F10: variants seen among roughly 807,000 people sequenced by gnomAD.
F10 encodes Stuart-Prower factor.
F10 carries 29 observed loss-of-function variants against 37.1 expected under a neutral mutation model. The ratio of observed to expected loss-of-function variants is 0.78; its 90% CI spans 0.58 to 1.07. The LOEUF (loss-of-function observed/expected upper bound fraction) is 1.07, where lower values mean the gene tolerates loss of function less well. Among genes scored for constraint, F10 ranks in the 50% least tolerant of loss-of-function variants. The pLI is 0.00. For missense variants in F10, 539 were observed against 667.9 expected (o/e 0.81, Z 2.13); for synonymous variants, 262 against 268.6 (o/e 0.98, Z 0.24).
intron 2 of F10, among the ~76,000 whole-genome samples, chr13:113,132,299 A>T (rs1245462947): frequency 2.0e-5 from 3 of 152,222 alleles, no homozygotes; most frequent in African/African-American, 7.2e-5. Context: ...TGCTGATCCA[A>T]GTTTATGTTT....
rs79395560 is a variant in F10, at chr13:113,132,386, G to A, written c.231+2774G>A. 2.1e-3 allele frequency among the ~76,000 whole-genome samples: 314 copies of A among 152,280 alleles called. 2 individuals are homozygous for A. Among genetic ancestry groups the A allele is most frequent in the Non-Finnish European group, 3.7e-3 (253 of 68,008 alleles). Reference sequence around the variant, plus strand: ...ATAGCTAAGCTATATTTTATTGTATGATGCATTTACTCTTTTCAGAGTTTG... The same window carrying A: ...ATAGCTAAGCTATATTTTATTGTATAATGCATTTACTCTTTTCAGAGTTTG... On this transcript the variant is annotated intron_variant, in intron 2 of 7. Coordinates refer to ENST00000375559, the MANE Select transcript of F10 (RefSeq NM_000504.4).
At chr13:113,129,713 G>A in intron 2 of F10, 101 bp downstream of exon 2, 1 of 1,506,604 alleles carries the variant, frequency 6.6e-7, no homozygotes, top group Non-Finnish European at 9.2e-7. Flanking sequence ...CCTGGAGGAA[G>A]GGGCAGCGTG....
intron 7 of F10, 52 bp from the exon 8 acceptor site, chr13:113,148,864 G>A: frequency 6.3e-7 from 1 of 1,589,496 alleles, no homozygotes. Context: ...CAACGGATGT[G>A]CGAGAGCATG....
In F10 at chr13:113,143,725, C is replaced by A; in HGVS notation, c.503-126C>A. ...CGTGGGGCCTCGCCCTGCAAGCCCG[C>A]TGCCCCTCCGGGTGCCCCTGCGCTC... On this transcript the variant is annotated intron_variant, in intron 5 of 7. Coordinates refer to ENST00000375559, the MANE Select transcript of F10 (RefSeq NM_000504.4). This position sits in a 1 kb window ranked among gnomAD's most constrained non-coding sequence, Gnocchi z 6.8. 5.3e-4 allele frequency: 772 copies of A among 1,451,932 alleles called. No individual in the cohort carries two copies. The highest frequency in any genetic ancestry group is 3.6e-3 in the Admixed American group (191 of 52,856). 89.9% of individuals were successfully genotyped at this position (1,451,932 alleles called of 1,614,324 possible). A position where few individuals can be genotyped will look rare whatever the true frequency, so the allele number is the denominator to read the frequency against.
chr13:113,123,257 A>C (rs1312147426), intron 1 of F10, among the ~76,000 whole-genome samples: 1 of 152,152 alleles, frequency 6.6e-6, no homozygotes, highest in East Asian at 1.9e-4. Context: ...AGAAAGACGG[A>C]GACAGAGAGA....
chr13:113,139,350 T>C lies in F10; in HGVS notation c.257-7T>C. On this transcript the variant is annotated splice_polypyrimidine_tract_variant and splice_region_variant and intron_variant, in intron 3 of 7. Coordinates refer to ENST00000375559, the MANE Select transcript of F10 (RefSeq NM_000504.4). This position sits in a 1 kb window ranked among gnomAD's most constrained non-coding sequence, Gnocchi z 5.2. ...CAGACTCCAGTTTCGAAATCCTCTC[T>C]TTGCAGATGGCGACCAGTGTGAGAC... The C allele has an allele frequency of 1.2e-6, 2 of 1,613,362 alleles. No homozygotes were observed. Among genetic ancestry groups the C allele is most frequent in the Non-Finnish European group, 1.7e-6 (2 of 1,179,424 alleles).
At chr13:113,128,217 G>A (rs2036389023) in intron 1 of F10, 1 of 152,328 alleles carries the variant, frequency 6.6e-6, no homozygotes, top group East Asian at 1.9e-4. Context: ...AGCCTTGGAA[G>A]GTCCTGAGAA....
In F10 at chr13:113,141,137, C is replaced by A; in HGVS notation, c.502+87C>A. 6.3e-7 allele frequency: 1 copy of A among 1,580,394 alleles called. No homozygotes were observed. The highest frequency in any genetic ancestry group is 1.1e-5 in the South Asian group (1 of 89,216). Reference sequence around the variant, plus strand: ...CCGTGCCAGGGGGTGGGGACACAGGCATGTTCTGGGCGGGCCTGGCAGGTA... The same window carrying A: ...CCGTGCCAGGGGGTGGGGACACAGGAATGTTCTGGGCGGGCCTGGCAGGTA... On this transcript the variant is annotated intron_variant, in intron 5 of 7. Transcript: ENST00000375559. The surrounding 1 kb of genome is among the most constrained non-coding windows in gnomAD (Gnocchi z 5.4).
chr13:113,140,360 C>T (rs187248578), intron 4 of F10, among the ~76,000 whole-genome samples: 3 of 152,080 alleles, frequency 2.0e-5, no homozygotes, highest in Non-Finnish European at 2.9e-5. Context: ...GGATTACAGG[C>T]GTGAGGCACA....
chr13:113,138,226 A>T (rs181045256), intron 2 of F10, among the ~76,000 whole-genome samples: 1 of 152,330 alleles, frequency 6.6e-6, no homozygotes, highest in East Asian at 1.9e-4. Flanking sequence ...TATTTTCAAT[A>T]TTCAACAAAG....
intron 2 of F10, chr13:113,131,097 T>A (rs2036429965): frequency 6.6e-6 from 1 of 152,184 alleles, no homozygotes; most frequent in Admixed American, 6.5e-5. Flanking sequence ...ATGACAAGGT[T>A]TTTGGATGAG....
chr13:113,133,412 T>C (rs148803279), intron 2 of F10, among the ~76,000 whole-genome samples: 2 of 152,260 alleles, frequency 1.3e-5, no homozygotes, highest in Non-Finnish European at 2.9e-5. Flanking sequence ...AGAAAATACT[T>C]TGAACAACTC....
At chr13:113,148,377 T>C (rs567477792) in intron 7 of F10, among the ~76,000 whole-genome samples, 1,245 of 60,460 alleles carry the variant, frequency 0.021, 20 homozygotes, top group African/African-American at 0.057. Context: ...TATATATATG[T>C]GTATATATAT....
At position 113,141,782 on chromosome 13, in the gene F10, C is replaced by T. The variant is rs2036530101; in HGVS notation, c.502+732C>T. On this transcript the variant is annotated intron_variant, in intron 5 of 7. Coordinates refer to ENST00000375559, the MANE Select transcript of F10 (RefSeq NM_000504.4). This position sits in a 1 kb window ranked among gnomAD's most constrained non-coding sequence, Gnocchi z 5.4. The stretch of plus-strand genomic sequence containing the variant: ...GCACCTTGCACAGCAACCCCACTCC[C>T]ACTCATAGCTGGCCCGACCCGCAGC... 6.6e-6 allele frequency among the ~76,000 whole-genome samples: 1 copy of T among 152,112 alleles called. No homozygotes were observed. Among genetic ancestry groups the T allele is most frequent in the African/African-American group, 2.4e-5 (1 of 41,402 alleles).
At position 113,143,925 on chromosome 13, in the gene F10, G is replaced by C. The variant is rs748860936; in HGVS notation, c.577G>C (p.Glu193Gln). The change falls in exon 6 of 8, where the codon GAG becomes CAG. Residue 193 changes from glutamate (E) to glutamine (Q), a missense_variant. Transcript: ENST00000375559. The surrounding 1 kb of genome is among the most constrained non-coding windows in gnomAD (Gnocchi z 6.8). Reference sequence around the variant, plus strand: ...GGCCCAGGCCACCAGCAGCAGCGGGGAGGCCCCTGACAGCATCACATGGAA... The same window carrying C: ...GGCCCAGGCCACCAGCAGCAGCGGGCAGGCCCCTGACAGCATCACATGGAA... ...SVAQATSSSG[E>Q]APDSITWKPY... 2.5e-6 allele frequency: 4 copies of C among 1,613,474 alleles called. No individual in the cohort carries two copies. The Admixed American group carries it at 6.7e-5, about 27-fold the overall frequency.
chr13:113,141,143 C>A lies in F10; in HGVS notation c.502+93C>A. ...CAGGGGGTGGGGACACAGGCATGTT[C>A]TGGGCGGGCCTGGCAGGTAACAGTG... On this transcript the variant is annotated intron_variant, in intron 5 of 7. Coordinates refer to ENST00000375559, the MANE Select transcript of F10 (RefSeq NM_000504.4). The surrounding 1 kb of genome is among the most constrained non-coding windows in gnomAD (Gnocchi z 5.4). 6.4e-7 allele frequency: 1 copy of A among 1,556,006 alleles called. No homozygotes were observed. Among genetic ancestry groups the A allele is most frequent in the African/African-American group, 1.4e-5 (1 of 73,922 alleles).
Position 113,143,704 on chromosome 13 carries a change from G to A in F10, c.503-147G>A. On this transcript the variant is annotated intron_variant, in intron 5 of 7. Coordinates refer to ENST00000375559, the MANE Select transcript of F10 (RefSeq NM_000504.4). The surrounding 1 kb of genome is among the most constrained non-coding windows in gnomAD (Gnocchi z 6.8). ...AGATCCGACCCCTGCCGACGACGTGGGGCCTCGCCCTGCAAGCCCGCTGCC... is the reference window on the plus strand; with the variant it reads ...AGATCCGACCCCTGCCGACGACGTGAGGCCTCGCCCTGCAAGCCCGCTGCC... 45 of 1,188,118 alleles carry A rather than the reference G, an allele frequency of 3.8e-5. No individual in the cohort carries two copies. Among genetic ancestry groups the A allele is most frequent in the Admixed American group, 2.9e-4 (12 of 41,760 alleles). The allele number at this position is 1,188,118 out of a possible 1,614,324, so 73.6% of individuals were successfully genotyped here.
rs536969626 is a variant in F10, at chr13:113,148,994, C to T, written c.944C>T (p.Thr315Ile). ...VEVVIKHNRFTKETYDFDIAV... is the reference protein window; with the variant it reads ...VEVVIKHNRFIKETYDFDIAV... ...GTGGTCATCAAGCACAACCGGTTCA[C>T]AAAGGAGACCTATGACTTCGACATC... Residue 315 changes from threonine to isoleucine, a missense_variant, in exon 8 of 8, where the codon ACA (threonine) becomes ATA (isoleucine). Transcript: ENST00000375559. 6.9e-5 allele frequency: 111 copies of T among 1,613,618 alleles called. No individual in the cohort carries two copies. The highest frequency in any genetic ancestry group is 1.9e-4 in the South Asian group (17 of 91,086).
chr13:113,136,441 C>T (rs920385924), intron 2 of F10, among the ~76,000 whole-genome samples: 1 of 149,832 alleles, frequency 6.7e-6, no homozygotes, highest in Admixed American at 6.7e-5. Flanking sequence ...TCTATAGCAA[C>T]TCTAGTCTTT....
Sources: gnomAD v4.1 joint callset for allele counts (sites outside exome capture counted in the v4.1 genomes callset) on GRCh38, gnomAD v4.1.1 for gene constraint, Gnocchi (gnomAD v3.1) non-coding constraint, MANE v1.5 for transcripts, NCBI Gene and HGNC (gene_info 2026-07-23, HGNC 2026-07-21) for gene names.